Variants in WWOX observed in about 807,000 individuals in gnomAD.
WWOX encodes the protein WW domain-containing oxidoreductase.
WWOX carries 69 observed loss-of-function variants against 46.2 expected under a neutral mutation model. The ratio of observed to expected loss-of-function variants is 1.49; its 90% CI spans 1.23 to 1.82. The LOEUF is 1.82. Among genes scored for constraint, WWOX ranks in the 40% most tolerant of loss-of-function variants. WWOX has a pLI of 0.00. For missense variants in WWOX, 919 were observed against 542.6 expected (o/e 1.69, Z -6.89); for synonymous variants, 359 against 202.6 (o/e 1.77, Z -6.56).
intron 8 of WWOX, among the ~76,000 whole-genome samples, chr16:79,117,211 G>A (rs764115961): frequency 1.5e-4 from 23 of 151,972 alleles, no homozygotes; most frequent in African/African-American, 3.9e-4. Flanking sequence ...CAATTTCACC[G>A]TGTTGCCCAG....
At chr16:78,609,023 T>C (rs1404748454) in intron 8 of WWOX, among the ~76,000 whole-genome samples, 1 of 152,176 alleles carries the variant, frequency 6.6e-6, no homozygotes, top group African/African-American at 2.4e-5. Flanking sequence ...GACCCTTTTT[T>C]AAAGGCTGAG....
At chr16:78,963,298 A>G (rs947921395) in intron 8 of WWOX, among the ~76,000 whole-genome samples, 9 of 151,534 alleles carry the variant, frequency 5.9e-5, no homozygotes, top group African/African-American at 2.2e-4. Context: ...GTGAGGCCTT[A>G]TCTCTTCAAA....
intron 8 of WWOX, among the ~76,000 whole-genome samples, chr16:78,652,903 C>G (rs928985427): frequency 2.0e-5 from 3 of 152,034 alleles, no homozygotes; most frequent in Admixed American, 6.6e-5. Flanking sequence ...TTCTGGAGTT[C>G]ACATATCATT....
intron 8 of WWOX, among the ~76,000 whole-genome samples, chr16:78,719,003 T>C (rs1053472162): frequency 2.0e-5 from 3 of 152,088 alleles, no homozygotes; most frequent in Non-Finnish European, 2.9e-5. Flanking sequence ...CCAGGCACTC[T>C]TGGTAGCAGG....
intron 5 of WWOX, among the ~76,000 whole-genome samples, chr16:78,317,065 G>A (rs1352373652): frequency 1.1e-4 from 16 of 152,186 alleles, no homozygotes; most frequent in Non-Finnish European, 5.9e-5. Flanking sequence ...TAGGCCAGTG[G>A]TGGGATAAGG....
intron 8 of WWOX, among the ~76,000 whole-genome samples, chr16:79,088,608 A>C (rs568039284): frequency 6.6e-6 from 1 of 152,170 alleles, no homozygotes; most frequent in African/African-American, 2.4e-5. Context: ...TTCTAGACTC[A>C]CTCCATGGAG....
At chr16:78,922,593 G>T (rs948334440) in intron 8 of WWOX, among the ~76,000 whole-genome samples, 1 of 152,132 alleles carries the variant, frequency 6.6e-6, no homozygotes, top group African/African-American at 2.4e-5. Flanking sequence ...TGCCCAGGCT[G>T]CTCTCGAGCT....
At chr16:78,928,899 A>G (rs992983092) in intron 8 of WWOX, among the ~76,000 whole-genome samples, 5 of 152,170 alleles carry the variant, frequency 3.3e-5, no homozygotes, top group Admixed American at 6.5e-5. Flanking sequence ...AATTTACAGT[A>G]TTTTCCCCTA....
chr16:78,230,254 C>G (rs188441624), intron 5 of WWOX, among the ~76,000 whole-genome samples: 79 of 152,308 alleles, frequency 5.2e-4, no homozygotes, highest in African/African-American at 1.8e-3. Context: ...ACATTTGAAT[C>G]ACAGAGTCAC....
intron 6 of WWOX, among the ~76,000 whole-genome samples, chr16:78,397,520 A>G (rs1460907829): frequency 2.0e-5 from 3 of 152,216 alleles, no homozygotes. Flanking sequence ...TAAGGCTAGA[A>G]CTTCGTCCAA....
intron 8 of WWOX, among the ~76,000 whole-genome samples, chr16:78,563,558 A>G (rs1417031186): frequency 6.7e-6 from 1 of 149,308 alleles, no homozygotes; most frequent in Non-Finnish European, 1.5e-5. Flanking sequence ...CTATTGCAAT[A>G]GAACGTAAAG....
chr16:78,835,857 A>G (rs1363209346), intron 8 of WWOX, among the ~76,000 whole-genome samples: 1 of 152,240 alleles, frequency 6.6e-6, no homozygotes, highest in African/African-American at 2.4e-5. Flanking sequence ...ATCTGAATTC[A>G]ACATATTTAT....
chr16:78,457,885 C>T (rs147667605), intron 8 of WWOX, among the ~76,000 whole-genome samples: 1,582 of 138,758 alleles, frequency 0.011, 32 homozygotes, highest in African/African-American at 0.044. Context: ...TACTGCACTC[C>T]AGCCTGAGCG....
At chr16:79,154,379 C>A (rs2050339541) in intron 8 of WWOX, among the ~76,000 whole-genome samples, 1 of 152,092 alleles carries the variant, frequency 6.6e-6, no homozygotes, top group Non-Finnish European at 1.5e-5. Flanking sequence ...GACTCTGATT[C>A]CTGTCTCCTC....
chr16:78,567,220 C>T (rs908430646), intron 8 of WWOX, among the ~76,000 whole-genome samples: 5 of 152,128 alleles, frequency 3.3e-5, no homozygotes, highest in African/African-American at 9.7e-5. Context: ...AGCTGAGCTG[C>T]CTGCCAGGGT....
intron 8 of WWOX, among the ~76,000 whole-genome samples, chr16:78,761,038 C>T (rs186189326): frequency 1.3e-5 from 2 of 152,160 alleles, no homozygotes; most frequent in African/African-American, 4.8e-5. Context: ...TCAGTTATCT[C>T]CTACCAGGCC....
intron 4 of WWOX, among the ~76,000 whole-genome samples, chr16:78,156,639 C>G (rs1221414752): frequency 1.3e-5 from 2 of 152,116 alleles, no homozygotes; most frequent in Admixed American, 6.6e-5. Context: ...AAATAAAGCT[C>G]TGTACTGGGT....
intron 5 of WWOX, among the ~76,000 whole-genome samples, chr16:78,332,172 C>T (rs948256968): frequency 1.3e-5 from 2 of 152,096 alleles, no homozygotes; most frequent in Non-Finnish European, 2.9e-5. Flanking sequence ...ATGTCTTTCC[C>T]CACCCCAAGC....
chr16:78,865,331 A>T lies in WWOX; in HGVS notation c.1057-346277A>T, dbSNP rs920813656. ...TAATGTAAGACAACTTGCAAGACTT[A>T]TTAAATGACTGATTTCCTTAAAAGA... On this transcript the variant is annotated intron_variant, in intron 8 of 8. Coordinates refer to ENST00000566780, the MANE Select transcript of WWOX (RefSeq NM_016373.4). Among the ~76,000 whole-genome samples the T allele has an allele frequency of 7.2e-5, 11 of 152,160 alleles. No individual in the cohort carries two copies. The South Asian group carries it at 1.5e-3, about 20-fold the overall frequency.
Sources: allele counts gnomAD v4.1 joint callset (sites outside exome capture counted in the v4.1 genomes callset), GRCh38; gene constraint gnomAD v4.1.1; transcripts MANE v1.5; gene names NCBI Gene and HGNC (gene_info 2026-07-23, HGNC 2026-07-21).